SUGCT: variants seen among roughly 807,000 people sequenced by gnomAD.
SUGCT encodes succinyl-CoA:glutarate-CoA transferase, also known as succinyl-CoA:glutarate CoA-transferase.
In SUGCT, 41 loss-of-function variants were observed where a neutral mutation model predicts 55.0. That is an observed-to-expected ratio of 0.74 (90% CI 0.58 to 0.97). SUGCT has a LOEUF of 0.97. Ranked by LOEUF, SUGCT falls within the 50% of genes least tolerant of loss-of-function variation. The pLI, the probability that SUGCT is intolerant of heterozygous loss-of-function variation, is 0.00. For missense variants in SUGCT, 568 were observed against 547.8 expected, an observed-to-expected ratio of 1.04 and a Z score of -0.37; for synonymous variants, 187 against 200.4, an observed-to-expected ratio of 0.93 and a Z score of 0.56.
At chr7:40,420,915 A>G (rs913063293) in intron 9 of SUGCT, among the ~76,000 whole-genome samples, 12 of 152,100 alleles carry the variant, frequency 7.9e-5, no homozygotes, top group Non-Finnish European at 2.9e-5. Flanking sequence ...GAGCCTTTCT[A>G]TGGTTTATTG....
At chr7:40,141,927 T>C in intron 1 of SUGCT, 2 of 301,508 alleles carry the variant, frequency 6.6e-6, no homozygotes, top group East Asian at 9.4e-5. Context: ...CTGATGCACG[T>C]GGCCCCGCTG....
At chr7:40,154,452 C>T (rs897642290) in intron 1 of SUGCT, among the ~76,000 whole-genome samples, 10 of 152,106 alleles carry the variant, frequency 6.6e-5, no homozygotes, top group African/African-American at 1.7e-4. Context: ...CCTAGTAAAA[C>T]GCTCTGAGAT....
intron 13 of SUGCT, among the ~76,000 whole-genome samples, chr7:40,749,719 CA>C (rs1302883383): frequency 6.6e-6 from 1 of 152,038 alleles, no homozygotes; most frequent in Non-Finnish European, 1.5e-5. Context: ...GCCACGATGA[CA>C]AAAAAATGCT....
chr7:40,263,596 G>A (rs529052106), intron 7 of SUGCT, among the ~76,000 whole-genome samples: 123 of 152,308 alleles, frequency 8.1e-4, no homozygotes, highest in African/African-American at 2.7e-3. Context: ...TAAGCCTTGT[G>A]TAGAGTAAGT....
the SUGCT span, among the ~76,000 whole-genome samples, chr7:40,923,350 G>GA: frequency 6.6e-6 from 1 of 152,128 alleles, no homozygotes; most frequent in Non-Finnish European, 1.5e-5. Context: ...TTGAGAATCA[G>GA]AAAAAACAAG....
chr7:40,447,754 G>A (rs1788927688), intron 9 of SUGCT, among the ~76,000 whole-genome samples: 2 of 152,124 alleles, frequency 1.3e-5, no homozygotes, highest in Non-Finnish European at 2.9e-5. Flanking sequence ...GGATGCAGGT[G>A]GAGGTGATCA....
the SUGCT span, among the ~76,000 whole-genome samples, chr7:40,924,149 G>A: frequency 7.0e-4 from 106 of 152,266 alleles, no homozygotes; most frequent in Middle Eastern, 6.8e-3. Context: ...CTCCAGAACT[G>A]TGAGCAATAA....
intron 7 of SUGCT, among the ~76,000 whole-genome samples, chr7:40,241,730 G>T (rs941606735): frequency 6.6e-6 from 1 of 151,846 alleles, no homozygotes; most frequent in Admixed American, 6.6e-5. Context: ...GACCATCCTG[G>T]CCAACATGCT....
intron 9 of SUGCT, among the ~76,000 whole-genome samples, chr7:40,372,338 T>A (rs972272862): frequency 6.6e-6 from 1 of 152,056 alleles, no homozygotes; most frequent in African/African-American, 2.4e-5. Flanking sequence ...TTAATTAATG[T>A]TAGCAAAGCA....
At chr7:40,908,382 C>CAAAAAAAAAAAAAAAAAA in the SUGCT span, among the ~76,000 whole-genome samples, 1 of 82,628 alleles carries the variant, frequency 1.2e-5, no homozygotes. Flanking sequence ...GACTCTGTCT[C>CAAAAAAAAAAAAAAAAAA]AAAAAAAAAA....
At chr7:40,456,628 G>T (rs1350776579) in intron 10 of SUGCT, among the ~76,000 whole-genome samples, 4 of 152,168 alleles carry the variant, frequency 2.6e-5, no homozygotes, top group South Asian at 2.1e-4. Context: ...AGTGTTGAGT[G>T]GGGTGGGGTG....
chr7:40,428,388 G>A (rs1436718246), intron 9 of SUGCT, among the ~76,000 whole-genome samples: 1 of 152,116 alleles, frequency 6.6e-6, no homozygotes, highest in South Asian at 2.1e-4. Context: ...ATTACCAATA[G>A]GGAAGGACTT....
At chr7:40,545,833 A>C (rs915982686) in intron 12 of SUGCT, among the ~76,000 whole-genome samples, 3 of 152,222 alleles carry the variant, frequency 2.0e-5, no homozygotes, top group Non-Finnish European at 4.4e-5. Context: ...AAATACCCAG[A>C]GAACTGTGTG....
At chr7:40,193,343 C>A (rs1367821563) in intron 5 of SUGCT, among the ~76,000 whole-genome samples, 1 of 131,858 alleles carries the variant, frequency 7.6e-6, no homozygotes, top group Non-Finnish European at 1.5e-5. Context: ...TGGAGTGCAG[C>A]AGCACGATCT....
At chr7:40,153,480 A>G in intron 1 of SUGCT, 1 of 361,876 alleles carries the variant, frequency 2.8e-6, no homozygotes, top group East Asian at 7.3e-5. Flanking sequence ...GACTAAAGCG[A>G]GTCTCCACTG....
chr7:40,288,386 T>C (rs1793493863), intron 8 of SUGCT, among the ~76,000 whole-genome samples: 1 of 152,192 alleles, frequency 6.6e-6, no homozygotes, highest in Admixed American at 6.5e-5. Flanking sequence ...TAGTATTTAG[T>C]TACTAATGAG....
At chr7:40,972,297 C>A in the SUGCT span, among the ~76,000 whole-genome samples, 3 of 152,296 alleles carry the variant, frequency 2.0e-5, no homozygotes, top group African/African-American at 7.2e-5. Flanking sequence ...TTTTACGAAA[C>A]AATCATCATA....
intron 12 of SUGCT, chr7:40,684,205 C>T: frequency 1.3e-6 from 2 of 1,499,454 alleles, no homozygotes; most frequent in East Asian, 4.7e-5. Context: ...ATAATTTCTC[C>T]ATATCAAGGT....
chr7:40,714,490 C>T (rs1012363267), intron 12 of SUGCT, among the ~76,000 whole-genome samples: 1 of 152,156 alleles, frequency 6.6e-6, no homozygotes, highest in Non-Finnish European at 1.5e-5. Flanking sequence ...CTGTTTAAAT[C>T]TCCTAGTTTT....
Sources: gnomAD v4.1 joint callset for allele counts (sites outside exome capture counted in the v4.1 genomes callset) on GRCh38, gnomAD v4.1.1 for gene constraint, MANE v1.5 for transcripts, NCBI Gene and HGNC (gene_info 2026-07-23, HGNC 2026-07-21) for gene names.